PXK: variants seen among roughly 807,000 people sequenced by gnomAD.
PXK encodes PX domain-containing protein kinase-like protein.
In PXK, 35 loss-of-function variants were observed where a neutral mutation model predicts 84.7. That is an observed-to-expected ratio of 0.41 (90% CI 0.32 to 0.55). PXK has a LOEUF of 0.55. PXK is among the 20% of genes least tolerant of loss of function. The pLI is 0.21. For missense variants in PXK, 634 were observed against 699.7 expected, an observed-to-expected ratio of 0.91 and a Z score of 1.06; for synonymous variants, 253 against 260.8, an observed-to-expected ratio of 0.97 and a Z score of 0.29.
intron 13 of PXK, among the ~76,000 whole-genome samples, chr3:58,405,062 G>A (rs2059187662): frequency 1.3e-5 from 2 of 152,174 alleles, no homozygotes; most frequent in African/African-American, 2.4e-5. Flanking sequence ...ACTAGACCTC[G>A]CTCTTCCCCT....
intron 4 of PXK, among the ~76,000 whole-genome samples, chr3:58,388,374 G>C (rs1260285171): frequency 6.6e-6 from 1 of 152,180 alleles, no homozygotes; most frequent in Admixed American, 6.5e-5. Context: ...CCGTGTCACT[G>C]TCGGTCTTTT....
rs1560042107 is a variant in PXK at position 58,391,858 on chromosome 3, GTCTTTC to G, written c.615+13_615+18del. The G allele has an allele frequency of 6.3e-7, 1 of 1,596,040 alleles. No homozygotes were observed. The highest frequency in any genetic ancestry group is 8.6e-7 in the Non-Finnish European group (1 of 1,164,010). On this transcript the variant is annotated intron_variant, in intron 7 of 17. Coordinates refer to ENST00000356151, the MANE Select transcript of PXK (RefSeq NM_017771.5). Reference sequence around the variant, plus strand: ...CTGCCTTCTTGTTTGGTGAGTATACGTCTTTCTTTTATTCTCAGTGCTGATGATAGA... The same window carrying G: ...CTGCCTTCTTGTTTGGTGAGTATACGTTTTATTCTCAGTGCTGATGATAGA...
chr3:58,401,888 C>CA lies in PXK; in HGVS notation c.1182-1967dup, dbSNP rs2058629981. 6.6e-6 allele frequency among the ~76,000 whole-genome samples: 1 copy of CA among 151,830 alleles called. No individual in the cohort carries two copies. The highest frequency in any genetic ancestry group is 1.5e-5 in the Non-Finnish European group (1 of 67,950). On this transcript the variant is annotated intron_variant, in intron 12 of 17. Transcript: ENST00000356151. The surrounding 1 kb of genome is among the most constrained non-coding windows in gnomAD (Gnocchi z 4.4). Reference sequence around the variant, plus strand: ...TGGGCGACAGAGTGAGACTCCATCTCAAAAAAATAAAATAAAATAAAAAAT... The same window carrying CA: ...TGGGCGACAGAGTGAGACTCCATCTCAAAAAAAATAAAATAAAATAAAAAAT...
intron 1 of PXK, among the ~76,000 whole-genome samples, chr3:58,347,790 C>T (rs957496204): frequency 6.6e-6 from 1 of 152,166 alleles, no homozygotes; most frequent in Non-Finnish European, 1.5e-5. Context: ...AATTGCCAAA[C>T]TTTTCTAGAT....
At position 58,364,078 on chromosome 3, in the gene PXK, G is replaced by C. The variant is rs1559933064; in HGVS notation, c.103-1796G>C. ...ATGGTGAACCAGCCTTGAGTCCCTA[G>C]AATGAGACCCACTTGGTCATGGTAT... On this transcript the variant is annotated intron_variant, in intron 1 of 17. Coordinates refer to ENST00000356151, the MANE Select transcript of PXK (RefSeq NM_017771.5). The surrounding 1 kb of genome is among the most constrained non-coding windows in gnomAD (Gnocchi z 4.3). Among the ~76,000 whole-genome samples, 1 of 152,144 alleles carries C rather than the reference G, an allele frequency of 6.6e-6. No homozygotes were observed. Among genetic ancestry groups the C allele is most frequent in the Non-Finnish European group, 1.5e-5 (1 of 68,028 alleles).
Position 58,407,091 on chromosome 3 carries a change from C to G in PXK, c.1231-1833C>G, listed in dbSNP as rs2059518827. Among the ~76,000 whole-genome samples, 1 of 152,158 alleles carries G rather than the reference C, an allele frequency of 6.6e-6. No individual in the cohort carries two copies. The highest frequency in any genetic ancestry group is 1.5e-5 in the Non-Finnish European group (1 of 68,016). Reference sequence around the variant, plus strand: ...GGATGTATACCCAGAAGTGGAATTCCTCATATGGTAGTTCCATTTTGTAGT... The same window carrying G: ...GGATGTATACCCAGAAGTGGAATTCGTCATATGGTAGTTCCATTTTGTAGT... On this transcript the variant is annotated intron_variant, in intron 13 of 17. Transcript: ENST00000356151. This position sits in a 1 kb window ranked among gnomAD's most constrained non-coding sequence, Gnocchi z 4.3.
Position 58,390,665 on chromosome 3 carries a change from A to G in PXK, c.466+6A>G. 6.2e-7 allele frequency: 1 copy of G among 1,609,476 alleles called. No individual in the cohort carries two copies. Among genetic ancestry groups the G allele is most frequent in the Non-Finnish European group, 8.5e-7 (1 of 1,177,048 alleles). On this transcript the variant is annotated splice_donor_region_variant and intron_variant, in intron 5 of 17. Coordinates refer to ENST00000356151, the MANE Select transcript of PXK (RefSeq NM_017771.5). The surrounding 1 kb of genome is among the most constrained non-coding windows in gnomAD (Gnocchi z 4.2). ...GGAACCTTTGAAAGACATAGGTGAG[A>G]CATTGGCACGCTCATTCTGTTAAAA...
chr3:58,341,266 T>A (rs2097725115), intron 1 of PXK, among the ~76,000 whole-genome samples: 1 of 152,080 alleles, frequency 6.6e-6, no homozygotes, highest in African/African-American at 2.4e-5. Context: ...GAAGTTAAAA[T>A]ATCAAGTGTT....
Position 58,399,431 on chromosome 3 carries a change from A to G in PXK, c.1181+54A>G. ...TCTTGATAACTATGTTGAACACCAGACCACTGTGTCCAAGCACCTGGTACT... is the reference window on the plus strand; with the variant it reads ...TCTTGATAACTATGTTGAACACCAGGCCACTGTGTCCAAGCACCTGGTACT... On this transcript the variant is annotated intron_variant, in intron 12 of 17. Transcript: ENST00000356151. The surrounding 1 kb of genome is among the most constrained non-coding windows in gnomAD (Gnocchi z 4.3). The G allele has an allele frequency of 1.3e-6, 2 of 1,528,416 alleles. No homozygotes were observed. Among genetic ancestry groups the G allele is most frequent in the Non-Finnish European group, 1.8e-6 (2 of 1,105,858 alleles). The allele number at this position is 1,528,416 out of a possible 1,614,324, so 94.7% of individuals were successfully genotyped here.
chr3:58,355,391 G>A (rs1161011620), intron 1 of PXK, among the ~76,000 whole-genome samples: 6 of 152,192 alleles, frequency 3.9e-5, no homozygotes, highest in African/African-American at 7.2e-5. Context: ...TAGCTGTGCC[G>A]AAAGGGAAGA....
Position 58,333,428 on chromosome 3 carries a change from G to A in PXK, c.102+338G>A. 1 of 364,528 alleles carries A rather than the reference G, an allele frequency of 2.7e-6. No individual in the cohort carries two copies. Among genetic ancestry groups the A allele is most frequent in the Middle Eastern group, 4.2e-4 (1 of 2,364 alleles). The allele number at this position is 364,528 out of a possible 1,614,324, so 22.6% of individuals were successfully genotyped here. Reference sequence around the variant, plus strand: ...GGCTCACCTTGGACTAGGGGAGCAGGAACGAGACCGCTCAGGACCATCCAC... The same window carrying A: ...GGCTCACCTTGGACTAGGGGAGCAGAAACGAGACCGCTCAGGACCATCCAC... On this transcript the variant is annotated intron_variant, in intron 1 of 17. Coordinates refer to ENST00000356151, the MANE Select transcript of PXK (RefSeq NM_017771.5). The surrounding 1 kb of genome is among the most constrained non-coding windows in gnomAD (Gnocchi z 5.4).
intron 3 of PXK, among the ~76,000 whole-genome samples, chr3:58,373,141 C>CA (rs11371847): frequency 0.3 from 44,188 of 148,924 alleles, 7,265 homozygotes; most frequent in Middle Eastern, 0.42. Context: ...TGCAGTGGTG[C>CA]ATCTCTGCTC....
intron 3 of PXK, among the ~76,000 whole-genome samples, chr3:58,380,688 G>A (rs905593938): frequency 3.3e-5 from 5 of 152,142 alleles, no homozygotes; most frequent in Non-Finnish European, 7.3e-5. Context: ...GCACATGCCT[G>A]TAATCCCAGC....
intron 2 of PXK, 121 bp from the exon 3 acceptor site, chr3:58,369,310 C>A: frequency 1.4e-6 from 1 of 711,440 alleles, no homozygotes; most frequent in Non-Finnish European, 2.3e-6. Context: ...AGCCCTACTA[C>A]CCTTAGCACA....
intron 1 of PXK, among the ~76,000 whole-genome samples, chr3:58,344,607 T>G (rs2097785933): frequency 6.6e-6 from 1 of 152,224 alleles, no homozygotes; most frequent in Non-Finnish European, 1.5e-5. Context: ...GCAGATCACC[T>G]GAGGCCAGGA....
chr3:58,400,643 G>T lies in PXK; in HGVS notation c.1181+1266G>T, dbSNP rs2058415315. 2.0e-5 allele frequency among the ~76,000 whole-genome samples: 3 copies of T among 152,240 alleles called. No homozygotes were observed. The highest frequency in any genetic ancestry group is 1.3e-4 in the Admixed American group (2 of 15,286). On this transcript the variant is annotated intron_variant, in intron 12 of 17. Coordinates refer to ENST00000356151, the MANE Select transcript of PXK (RefSeq NM_017771.5). The surrounding 1 kb of genome is among the most constrained non-coding windows in gnomAD (Gnocchi z 4.0). ...ATGTAATAATGTGGGCCGGGCAGTG[G>T]CTCATGCCTATAATCCCAGCACTTT...
intron 4 of PXK, among the ~76,000 whole-genome samples, chr3:58,387,857 T>C (rs1283295296): frequency 6.6e-6 from 1 of 152,060 alleles, no homozygotes; most frequent in East Asian, 1.9e-4. Context: ...GGGCTGAGTC[T>C]GGGCCAGATG....
At chr3:58,336,071 A>ATATATATATATATATATATATTT (rs1284780630) in intron 1 of PXK, among the ~76,000 whole-genome samples, 1 of 51,572 alleles carries the variant, frequency 1.9e-5, no homozygotes. Flanking sequence ...ATATATATAT[A>ATATATATATATATATATATATTT]TTTTTTTTTT....
intron 13 of PXK, among the ~76,000 whole-genome samples, chr3:58,404,697 A>G (rs989713666): frequency 3.9e-5 from 6 of 152,200 alleles, no homozygotes; most frequent in East Asian, 1.9e-4. Context: ...AGTGCTCACT[A>G]TGAGTGCGAT....
Sources: allele counts gnomAD v4.1 joint callset (sites outside exome capture counted in the v4.1 genomes callset), GRCh38; gene constraint gnomAD v4.1.1; non-coding constraint Gnocchi (gnomAD v3.1); transcripts MANE v1.5; gene names NCBI Gene and HGNC (gene_info 2026-07-23, HGNC 2026-07-21).